Variants in ARHGEF7 observed in about 807,000 individuals in gnomAD.
ARHGEF7 encodes Rho guanine nucleotide exchange factor 7, also known as PAK-interacting exchange factor beta.
A neutral mutation model predicts 109.8 loss-of-function variants in ARHGEF7; 33 were observed. That is an observed-to-expected ratio of 0.30 (90% CI 0.23 to 0.40). The LOEUF is 0.40. Ranked by LOEUF, ARHGEF7 falls within the 10% of genes least tolerant of loss-of-function variation. ARHGEF7 has a pLI of 1.00. For synonymous variants in ARHGEF7, 458 were observed against 424.6 expected (o/e 1.08, Z -0.97); for missense variants, 938 against 1,098.5 (o/e 0.85, Z 2.07).
intron 2 of ARHGEF7, among the ~76,000 whole-genome samples, chr13:111,175,671 A>AT (rs1483506303): frequency 6.6e-6 from 1 of 152,248 alleles, no homozygotes; most frequent in Non-Finnish European, 1.5e-5. Flanking sequence ...GGACGTCCTC[A>AT]TAGCAGCCCT....
chr13:111,298,893 A>G (rs1371347410), intron 19 of ARHGEF7, among the ~76,000 whole-genome samples: 4 of 152,238 alleles, frequency 2.6e-5, no homozygotes, highest in African/African-American at 7.2e-5. Flanking sequence ...TGTGCCAGCC[A>G]TGGCTTGTGA....
chr13:111,285,136 T>C (rs79099053), intron 16 of ARHGEF7, among the ~76,000 whole-genome samples: 3,259 of 152,314 alleles, frequency 0.021, 120 homozygotes, highest in African/African-American at 0.075. Context: ...GGAAACATTG[T>C]ACCCAATGGG....
chr13:111,128,586 C>A (rs1299853731), intron 1 of ARHGEF7, among the ~76,000 whole-genome samples: 1 of 152,146 alleles, frequency 6.6e-6, no homozygotes, highest in Non-Finnish European at 1.5e-5. Context: ...AGTTGTATTT[C>A]TATATATTAG....
chr13:111,121,275 G>A (rs1342319036), intron 1 of ARHGEF7, among the ~76,000 whole-genome samples: 3 of 152,146 alleles, frequency 2.0e-5, no homozygotes, highest in East Asian at 1.9e-4. Context: ...CTTTCTCCCC[G>A]GCCGCAGAAC....
chr13:111,287,844 G>A (rs1394226125), intron 17 of ARHGEF7, among the ~76,000 whole-genome samples: 1 of 152,268 alleles, frequency 6.6e-6, no homozygotes. Flanking sequence ...GATGGGCCCG[G>A]GTTTTCACAG....
chr13:111,169,745 G>A (rs553641795), intron 2 of ARHGEF7, among the ~76,000 whole-genome samples: 16 of 152,164 alleles, frequency 1.1e-4, no homozygotes, highest in Non-Finnish European at 2.2e-4. Context: ...TATTTATGCT[G>A]TTACAGTAAT....
chr13:111,179,683 G>A (rs183108013), intron 2 of ARHGEF7, among the ~76,000 whole-genome samples: 1 of 152,258 alleles, frequency 6.6e-6, no homozygotes, highest in Non-Finnish European at 1.5e-5. Flanking sequence ...CATCTGGTTT[G>A]TCTCTAGTTT....
intron 2 of ARHGEF7, among the ~76,000 whole-genome samples, chr13:111,177,648 C>T (rs1405477345): frequency 1.3e-5 from 2 of 152,190 alleles, no homozygotes; most frequent in African/African-American, 2.4e-5. Flanking sequence ...CAGCTGATGA[C>T]GTTTGTCCTT....
At chr13:111,152,805 T>G (rs2075964179) in intron 1 of ARHGEF7, among the ~76,000 whole-genome samples, 1 of 152,218 alleles carries the variant, frequency 6.6e-6, no homozygotes, top group South Asian at 2.1e-4. Flanking sequence ...AAAAACAAAA[T>G]AAAGTTTTTC....
chr13:111,222,282 A>G (rs187469558), intron 5 of ARHGEF7, among the ~76,000 whole-genome samples: 1 of 152,146 alleles, frequency 6.6e-6, no homozygotes, highest in African/African-American at 2.4e-5. Flanking sequence ...AATTCAAGAA[A>G]TGTCATTTTT....
In ARHGEF7 at chr13:111,289,696, A is replaced by G. The variant is rs528327990; in HGVS notation, c.2134+1253A>G. Among the ~76,000 whole-genome samples the G allele has an allele frequency of 9.2e-5, 14 of 152,314 alleles. No individual in the cohort carries two copies. In the East Asian group the frequency reaches 2.7e-3, roughly 29 times the overall value. On this transcript the variant is annotated intron_variant, in intron 18 of 21. Transcript: ENST00000646102. ...GAGAAAAGGAGAGAGAGGGAAGAGG[A>G]CTTCTCAACTGCTTTAGCTTTTATC...
intron 4 of ARHGEF7, among the ~76,000 whole-genome samples, chr13:111,212,706 CCAAGACATG>C (rs2082645686): frequency 6.6e-6 from 1 of 152,150 alleles, no homozygotes; most frequent in Non-Finnish European, 1.5e-5. Flanking sequence ...GAGTGTATTT[CCAAGACATG>C]CAAGAAATTA....
rs562804365 is a variant in ARHGEF7 at position 111,302,880 on chromosome 13, G to A, written c.2467-111G>A. ...ACCTCAGAGCCCATAGGCAGCTCAC[G>A]TGGGATTTCATGAATCGAGGCCTTA... On this transcript the variant is annotated intron_variant, in intron 21 of 21. Transcript: ENST00000646102. 1.4e-5 allele frequency: 19 copies of A among 1,403,466 alleles called. No individual in the cohort carries two copies. The East Asian group carries it at 1.6e-4, about 12-fold the overall frequency. The allele number at this position is 1,403,466 out of a possible 1,614,324, so 86.9% of individuals were successfully genotyped here. A position where few individuals can be genotyped will look rare whatever the true frequency, so the allele number is the denominator to read the frequency against.
intron 18 of ARHGEF7, among the ~76,000 whole-genome samples, chr13:111,291,439 TGCGG>T (rs1418601449): frequency 3.9e-5 from 6 of 152,254 alleles, no homozygotes; most frequent in African/African-American, 1.4e-4. Flanking sequence ...GCACCCTGCC[TGCGG>T]GCTAAGCTCC....
At chr13:111,253,261 T>G (rs1490121275) in intron 8 of ARHGEF7, among the ~76,000 whole-genome samples, 1 of 152,276 alleles carries the variant, frequency 6.6e-6, no homozygotes, top group East Asian at 1.9e-4. Flanking sequence ...TCTGGGAATG[T>G]GGAACAGTGG....
At chr13:111,280,224 AG>A (rs2092706845) in intron 13 of ARHGEF7, 47 bp from the exon 14 acceptor site, 10 of 1,543,256 alleles carry the variant, frequency 6.5e-6, no homozygotes, top group Non-Finnish European at 8.8e-6. Context: ...ACCTTTTTCT[AG>A]AAAAGCACTA....
chr13:111,294,467 C>G (rs2093379615), intron 19 of ARHGEF7: 1 of 985,304 alleles, frequency 1.0e-6, no homozygotes, highest in African/African-American at 1.7e-5. Context: ...ATTCTATACA[C>G]CAAAGTTTTG....
chr13:111,132,832 T>G (rs1040539343), intron 1 of ARHGEF7, among the ~76,000 whole-genome samples: 1 of 152,068 alleles, frequency 6.6e-6, no homozygotes, highest in Non-Finnish European at 1.5e-5. Context: ...TTTAATCCTT[T>G]TTTTTTTAGA....
At position 111,239,729 on chromosome 13, in the gene ARHGEF7, G is replaced by A. The variant is rs1222870649; in HGVS notation, c.760-4143G>A. ...TTTCCTGGGCGGCGAGGTGCCTGCT[G>A]GCTTCTTTCACACCTGGCTCCCATT... On this transcript the variant is annotated intron_variant, in intron 6 of 21. Transcript: ENST00000646102. This position sits in a 1 kb window ranked among gnomAD's most constrained non-coding sequence, Gnocchi z 4.3. Among the ~76,000 whole-genome samples the A allele has an allele frequency of 6.6e-6, 1 of 152,016 alleles. No individual in the cohort carries two copies. Among genetic ancestry groups the A allele is most frequent in the East Asian group, 1.9e-4 (1 of 5,174 alleles).
Sources: gnomAD v4.1 joint callset for allele counts (sites outside exome capture counted in the v4.1 genomes callset) on GRCh38, gnomAD v4.1.1 for gene constraint, Gnocchi (gnomAD v3.1) non-coding constraint, MANE v1.5 for transcripts, NCBI Gene and HGNC (gene_info 2026-07-23, HGNC 2026-07-21) for gene names.